The following APPL1 variants were observed in gnomAD, a reference collection of about 807,000 sequenced individuals.
The protein encoded by APPL1 is adaptor protein, phosphotyrosine interacting with PH domain and leucine zipper 1.
In APPL1, 42 loss-of-function variants were observed where a neutral mutation model predicts 106.8. The ratio of observed to expected loss-of-function variants is 0.39; its 90% CI spans 0.31 to 0.51. The LOEUF (loss-of-function observed/expected upper bound fraction) is 0.51. Ranked by LOEUF, APPL1 falls within the 20% of genes least tolerant of loss-of-function variation. The probability of loss-of-function intolerance (pLI) is 0.75; values close to 1 mark genes in which losing one functional copy is unlikely to be tolerated. For synonymous variants in APPL1, 263 were observed against 281.8 expected (o/e 0.93, Z 0.67); for missense variants, 769 against 858.2 (o/e 0.90, Z 1.30).
chr3:57,251,074 T>C (rs2060802092), intron 11 of APPL1, among the ~76,000 whole-genome samples: 1 of 150,452 alleles, frequency 6.6e-6, no homozygotes, highest in South Asian at 2.1e-4. Flanking sequence ...CCCAAAGTGC[T>C]GGGATTACAG....
chr3:57,240,527 C>T lies in APPL1; in HGVS notation c.348C>T (p.Thr116=). The T allele has an allele frequency of 1.2e-6, 2 of 1,613,710 alleles. No individual in the cohort carries two copies. The highest frequency in any genetic ancestry group is 1.7e-6 in the Non-Finnish European group (2 of 1,179,760). The change falls in exon 5 of 22, where the codon ACC becomes ACT. Residue 116 remains threonine (T), a synonymous_variant. Transcript: ENST00000288266. ...QLADAMMFPI[T]QFKERDLKEI... ...CTGATGCCATGATGTTCCCCATTAC[C>T]CAGTTTAAAGAAAGAGATCTGAAAG... is the stretch of plus-strand genomic sequence containing the variant.
chr3:57,243,644 A>C (rs556039576), intron 7 of APPL1, among the ~76,000 whole-genome samples: 2 of 152,354 alleles, frequency 1.3e-5, no homozygotes, highest in African/African-American at 4.8e-5. Context: ...AATGTTTCTC[A>C]CACAAAGTTT....
At chr3:57,230,936 C>T (rs1347800648) in intron 1 of APPL1, among the ~76,000 whole-genome samples, 1 of 151,848 alleles carries the variant, frequency 6.6e-6, no homozygotes, top group African/African-American at 2.4e-5. Context: ...TCGCTCTTGT[C>T]GCCTAGGCTA....
rs751101593 is a variant in APPL1, at chr3:57,242,105, A to G, written c.378A>G (p.Ile126Met). ...ATTATTCTTGAACTTTTTCAGAAAT[A>G]CTAACATTAAAGGAAGTATTTCAGA... is the stretch of plus-strand genomic sequence containing the variant. ...TQFKERDLKE[I>M]LTLKEVFQIA... The change falls in exon 6 of 22, where the codon ATA (isoleucine) becomes ATG (methionine). Residue 126 changes from isoleucine (I) to methionine (M), a missense_variant. Physicochemically the swap from Ile to Met is conservative, Grantham distance 10 (BLOSUM62 1). Coordinates refer to ENST00000288266, the MANE Select transcript of APPL1 (RefSeq NM_012096.3). 4 of 1,590,028 alleles carry G rather than the reference A, an allele frequency of 2.5e-6. No individual in the cohort carries two copies. Among genetic ancestry groups the G allele is most frequent in the African/African-American group, 1.3e-5 (1 of 74,338 alleles).
chr3:57,242,687 A>G (rs2060753033), intron 6 of APPL1, among the ~76,000 whole-genome samples, 169 bp from the exon 7 acceptor site: 1 of 152,214 alleles, frequency 6.6e-6, no homozygotes, highest in Non-Finnish European at 1.5e-5. Flanking sequence ...AAGTAGACAC[A>G]TAATTTAGGG....
chr3:57,264,078 T>C (rs1021757233), intron 19 of APPL1, among the ~76,000 whole-genome samples: 2 of 152,224 alleles, frequency 1.3e-5, no homozygotes, highest in African/African-American at 4.8e-5. Context: ...TATAAGCCAT[T>C]TTAACTGGGG....
chr3:57,262,783 CTTTG>C (rs2060873545), intron 19 of APPL1, among the ~76,000 whole-genome samples: 1 of 149,592 alleles, frequency 6.7e-6, no homozygotes, highest in Non-Finnish European at 1.5e-5. Context: ...GTAGGATGAT[CTTTG>C]TTTTTCGTTT....
At position 57,272,506 on chromosome 3, in the gene APPL1, T is replaced by C. The variant is rs754924988; in HGVS notation, c.*2819T>C. 15 of 152,198 alleles carry C rather than the reference T, an allele frequency of 9.9e-5. No individual in the cohort carries two copies. The highest frequency in any genetic ancestry group is 6.5e-5 in the Admixed American group (1 of 15,276). The allele number at this position is 152,198 out of a possible 1,614,324, so 9.4% of individuals were successfully genotyped here. A position where few individuals can be genotyped will look rare whatever the true frequency, so the allele number is the denominator to read the frequency against. On this transcript the variant is annotated 3_prime_UTR_variant, in exon 22 of 22. Coordinates refer to ENST00000288266, the MANE Select transcript of APPL1 (RefSeq NM_012096.3). ...GCATTTGAGTTAATTTTGCATTATA[T>C]CTAGGAACCATATTATTTAAAATTT...
At chr3:57,254,214 C>T (rs1387535400) in intron 13 of APPL1, among the ~76,000 whole-genome samples, 1 of 152,148 alleles carries the variant, frequency 6.6e-6, no homozygotes, top group Non-Finnish European at 1.5e-5. Context: ...CTTCCTAGAA[C>T]AATAAATTAT....
chr3:57,254,725 A>G (rs2060825813), intron 13 of APPL1, among the ~76,000 whole-genome samples: 1 of 152,180 alleles, frequency 6.6e-6, no homozygotes, highest in South Asian at 2.1e-4. Flanking sequence ...CCCGGGTTCA[A>G]GCGATTCTCC....
At position 57,246,182 on chromosome 3, in the gene APPL1, T is replaced by C; in HGVS notation, c.581T>C (p.Ile194Thr). ...AATACTCTTCAGTACAAGAAGAAAA[T>C]AGCATTGTTAGAACCTCTACTTGGG... is the stretch of plus-strand genomic sequence containing the variant. ...ALNTLQYKKK[I>T]ALLEPLLGYM... The change falls in exon 8 of 22, where the codon ATA becomes ACA. Residue 194 changes from isoleucine to threonine, a missense_variant. By Grantham distance (89) the Ile-to-Thr change is moderately conservative. Transcript: ENST00000288266. 3 of 1,610,468 alleles carry C rather than the reference T, an allele frequency of 1.9e-6. No homozygotes were observed. Among genetic ancestry groups the C allele is most frequent in the Non-Finnish European group, 1.7e-6 (2 of 1,178,738 alleles).
chr3:57,252,192 A>G, intron 11 of APPL1, 77 bp from the exon 12 acceptor site: 2 of 1,217,304 alleles, frequency 1.6e-6, no homozygotes, highest in Non-Finnish European at 2.4e-6. Flanking sequence ...TTAACTTTAA[A>G]GATTAAAAAG....
chr3:57,243,815 T>C (rs560557966), intron 7 of APPL1, among the ~76,000 whole-genome samples: 1 of 152,342 alleles, frequency 6.6e-6, no homozygotes, highest in Admixed American at 6.5e-5. Flanking sequence ...TTTACATTAC[T>C]TCTGGCTGCT....
chr3:57,271,787 A>G lies in APPL1; in HGVS notation c.*2100A>G, dbSNP rs1290602714. 6.6e-6 allele frequency: 1 copy of G among 152,250 alleles called. No individual in the cohort carries two copies. The highest frequency in any genetic ancestry group is 1.5e-5 in the Non-Finnish European group (1 of 68,040). 9.4% of individuals were successfully genotyped at this position (152,250 alleles called of 1,614,324 possible). A position where few individuals can be genotyped will look rare whatever the true frequency, so the allele number is the denominator to read the frequency against. Reference sequence around the variant, plus strand: ...TTAAGTCATGTTCACAGGAATTTCTACAATAATAAACCCATCATCTCCATA... The same window carrying G: ...TTAAGTCATGTTCACAGGAATTTCTGCAATAATAAACCCATCATCTCCATA... On this transcript the variant is annotated 3_prime_UTR_variant, in exon 22 of 22. Transcript: ENST00000288266.
At position 57,264,134 on chromosome 3, in the gene APPL1, G is replaced by A. The variant is rs2060882618; in HGVS notation, c.1842+3360G>A. ...TTGATTTGCATTTCTCTGATGATCA[G>A]TGATGTTGAGGACCTTTTCATATGC... On this transcript the variant is annotated intron_variant, in intron 19 of 21. Coordinates refer to ENST00000288266, the MANE Select transcript of APPL1 (RefSeq NM_012096.3). Among the ~76,000 whole-genome samples, 4 of 152,160 alleles carry A rather than the reference G, an allele frequency of 2.6e-5. No individual in the cohort carries two copies. The South Asian group carries it at 6.2e-4, about 24-fold the overall frequency.
chr3:57,248,273 A>G lies in APPL1; in HGVS notation c.785A>G (p.Tyr262Cys). 2 of 1,614,184 alleles carry G rather than the reference A, an allele frequency of 1.2e-6. No homozygotes were observed. The highest frequency in any genetic ancestry group is 1.7e-6 in the Non-Finnish European group (2 of 1,180,032). Residue 262 changes from tyrosine to cysteine, a missense_variant, in exon 10 of 22, where the codon TAT (tyrosine) becomes TGT (cysteine). Transcript: ENST00000288266. ...TTGGAAGTAGCCAGTGATCCCTTAT[A>G]TGTGCCTGACCCAGACCCCACCAAA... ...EDLEVASDPL[Y>C]VPDPDPTKFP... is the part of the protein sequence containing the mutation.
intron 19 of APPL1, among the ~76,000 whole-genome samples, chr3:57,263,326 C>T (rs2060877481): frequency 6.6e-6 from 1 of 151,892 alleles, no homozygotes; most frequent in African/African-American, 2.4e-5. Flanking sequence ...TGACCGTAGT[C>T]CCCCGTTCTA....
At chr3:57,242,551 T>G (rs1021527353) in intron 6 of APPL1, among the ~76,000 whole-genome samples, 1 of 152,220 alleles carries the variant, frequency 6.6e-6, no homozygotes, top group African/African-American at 2.4e-5. Flanking sequence ...TCCTCCTGAG[T>G]AGCTGGGACT....
intron 13 of APPL1, among the ~76,000 whole-genome samples, chr3:57,255,413 T>C (rs2060829562): frequency 6.6e-6 from 1 of 152,264 alleles, no homozygotes; most frequent in Non-Finnish European, 1.5e-5. Flanking sequence ...AACTGATTGA[T>C]ATGAAGGATG....
Sources: gnomAD v4.1 joint callset for allele counts (sites outside exome capture counted in the v4.1 genomes callset) on GRCh38, gnomAD v4.1.1 for gene constraint, MANE v1.5 for transcripts, NCBI Gene and HGNC (gene_info 2026-07-23, HGNC 2026-07-21) for gene names.